PCDHA2: variants seen among roughly 807,000 people sequenced by gnomAD.
The protein encoded by PCDHA2 is protocadherin alpha-2.
In PCDHA2, 58 loss-of-function variants were observed where a neutral mutation model predicts 66.0. The ratio of observed to expected loss-of-function variants is 0.88; its 90% CI spans 0.71 to 1.09. The LOEUF (loss-of-function observed/expected upper bound fraction) is 1.09. PCDHA2 is among the 50% of genes least tolerant of loss of function. The pLI, the probability that PCDHA2 is intolerant of heterozygous loss-of-function variation, is 0.00. For missense variants in PCDHA2, 1,267 were observed against 1,242.3 expected, an observed-to-expected ratio of 1.02 and a Z score of -0.30; for synonymous variants, 634 against 554.0, an observed-to-expected ratio of 1.14 and a Z score of -2.03.
At chr5:140,799,194 G>T (rs1762400547) in intron 1 of PCDHA2, among the ~76,000 whole-genome samples, 1 of 151,978 alleles carries the variant, frequency 6.6e-6, no homozygotes, top group African/African-American at 2.4e-5. Flanking sequence ...CTACAAAATG[G>T]CTCAATCTTC....
At position 140,830,681 on chromosome 5, in the gene PCDHA2, G is replaced by C. The variant is rs112940654; in HGVS notation, c.2388+33329G>C. On this transcript the variant is annotated intron_variant, in intron 1 of 3. Coordinates refer to ENST00000526136, the MANE Select transcript of PCDHA2 (RefSeq NM_018905.3). ...AATTTAAGTGAAATTAGAAATCACT[G>C]TCCACAATCTGCACCTCAGAATTTT... The C allele has an allele frequency of 8.1e-3, 2,706 of 335,658 alleles. 74 individuals are homozygous for C. Among genetic ancestry groups the C allele is most frequent in the African/African-American group, 0.053 (2,457 of 46,446 alleles). The allele number at this position is 335,658 out of a possible 1,614,324, so 20.8% of individuals were successfully genotyped here.
chr5:140,874,280 C>T (rs1317233709), intron 1 of PCDHA2, among the ~76,000 whole-genome samples: 3 of 152,146 alleles, frequency 2.0e-5, no homozygotes, highest in Admixed American at 6.5e-5. Flanking sequence ...AATAGACTTA[C>T]AAAATCTATG....
Position 140,929,272 on chromosome 5 carries a change from T to G in PCDHA2, c.2389-49677T>G, listed in dbSNP as rs560527071. Reference sequence around the variant, plus strand: ...TGGGGTAGGACTGAATTTGCCAATATCCTGTATTCAGATTCGGAATAGGAA... The same window carrying G: ...TGGGGTAGGACTGAATTTGCCAATAGCCTGTATTCAGATTCGGAATAGGAA... On this transcript the variant is annotated intron_variant, in intron 1 of 3. Transcript: ENST00000526136. The G allele has an allele frequency of 1.3e-4, 206 of 1,607,152 alleles. 1 individual carries two copies. The South Asian group carries it at 2.1e-3, about 17-fold the overall frequency.
intron 1 of PCDHA2, among the ~76,000 whole-genome samples, chr5:140,874,171 G>C (rs2054750145): frequency 6.6e-6 from 1 of 152,080 alleles, no homozygotes; most frequent in Admixed American, 6.5e-5. Flanking sequence ...ACTCTTTCCT[G>C]GTGTTGTAAA....
At chr5:140,956,788 G>T (rs2095310590) in intron 1 of PCDHA2, among the ~76,000 whole-genome samples, 1 of 152,094 alleles carries the variant, frequency 6.6e-6, no homozygotes, top group African/African-American at 2.4e-5. Flanking sequence ...GGCTTTGTTT[G>T]CTTGGTGGGC....
chr5:140,801,681 A>G, intron 1 of PCDHA2: 12 of 1,614,248 alleles, frequency 7.4e-6, no homozygotes, highest in Non-Finnish European at 9.3e-6. Context: ...AGATGCAGAT[A>G]TCGGAACAAA....
intron 1 of PCDHA2, among the ~76,000 whole-genome samples, chr5:140,935,092 C>T (rs1015892831): frequency 2.6e-5 from 4 of 152,100 alleles, no homozygotes; most frequent in Non-Finnish European, 5.9e-5. Context: ...TTCCCAGAAT[C>T]AGCCATTTTT....
chr5:140,862,881 T>C, intron 1 of PCDHA2: 3 of 564,618 alleles, frequency 5.3e-6, no homozygotes, highest in Non-Finnish European at 1.0e-5. Context: ...GTATTAGTGC[T>C]GGAACGACAA....
At chr5:140,830,348 C>G in intron 1 of PCDHA2, 1 of 1,614,076 alleles carries the variant, frequency 6.2e-7, no homozygotes, top group Non-Finnish European at 8.5e-7. Flanking sequence ...GTACTCGCAG[C>G]AGAGGCGGCA....
In PCDHA2 at chr5:140,809,158, C is replaced by A. The variant is rs782790826; in HGVS notation, c.2388+11806C>A. 5 of 1,613,830 alleles carry A rather than the reference C, an allele frequency of 3.1e-6. No individual in the cohort carries two copies. In the African/African-American group the frequency reaches 6.7e-5, roughly 22 times the overall value. ...TACTGGTGAAGGACCACGGCGAGCC[C>A]GCGCTGACGGCCACGGCCACTGTGC... On this transcript the variant is annotated intron_variant, in intron 1 of 3. Transcript: ENST00000526136.
intron 1 of PCDHA2, chr5:140,967,077 G>A (rs1483899506): frequency 1.9e-6 from 3 of 1,613,140 alleles, no homozygotes; most frequent in South Asian, 1.1e-5. Context: ...GTCAACGAGC[G>A]CATTGATCGG....
chr5:140,884,514 C>G, intron 1 of PCDHA2: 21 of 1,614,176 alleles, frequency 1.3e-5, no homozygotes, highest in South Asian at 2.2e-5. Flanking sequence ...GGGAGTTGGT[C>G]GTACTCGCAG....
intron 1 of PCDHA2, chr5:140,812,652 A>G (rs2126640535): frequency 6.6e-6 from 1 of 152,200 alleles, no homozygotes; most frequent in South Asian, 2.1e-4. Context: ...AAGAGACAAG[A>G]TCTCACTATG....
chr5:140,870,632 A>G, intron 1 of PCDHA2: 1 of 1,612,930 alleles, frequency 6.2e-7, no homozygotes, highest in Non-Finnish European at 8.5e-7. Flanking sequence ...GTGTCGGTGC[A>G]CGCGGAGAGC....
intron 1 of PCDHA2, chr5:140,816,776 T>C (rs1333175713): frequency 6.6e-6 from 1 of 152,120 alleles, no homozygotes; most frequent in East Asian, 1.9e-4. Flanking sequence ...TAATTCCTAA[T>C]TAGAGGGATC....
intron 1 of PCDHA2, chr5:140,866,274 A>G (rs1554160163): frequency 6.6e-6 from 1 of 152,156 alleles, no homozygotes; most frequent in African/African-American, 2.4e-5. Flanking sequence ...GTGAATAAAG[A>G]CAGTGTTTGG....
intron 1 of PCDHA2, among the ~76,000 whole-genome samples, chr5:140,931,749 G>A (rs368438680): frequency 2.0e-5 from 3 of 151,878 alleles, no homozygotes; most frequent in East Asian, 3.9e-4. Context: ...ATTCACAAAG[G>A]CATTTGTTAT....
At position 140,796,319 on chromosome 5, in the gene PCDHA2, C is replaced by T. The variant is rs1195907672; in HGVS notation, c.1355C>T (p.Ala452Val). Residue 452 changes from alanine (A) to valine (V), a missense_variant, in exon 1 of 4, where the codon GCG (alanine) becomes GTG (valine). Coordinates refer to ENST00000526136, the MANE Select transcript of PCDHA2 (RefSeq NM_018905.3). ...SIEVADVNDN[A>V]PAFAQPEYTV... ...GAGGTGGCCGACGTGAACGACAACG[C>T]GCCGGCGTTCGCACAGCCTGAGTAC... 4 of 1,613,960 alleles carry T rather than the reference C, an allele frequency of 2.5e-6. No individual in the cohort carries two copies. The highest frequency in any genetic ancestry group is 3.4e-6 in the Non-Finnish European group (4 of 1,180,004).
chr5:140,890,190 A>C (rs1213958471), intron 1 of PCDHA2, among the ~76,000 whole-genome samples: 3 of 152,084 alleles, frequency 2.0e-5, no homozygotes, highest in Middle Eastern at 3.2e-3. Flanking sequence ...TACAAAACAG[A>C]GTTTTTTGTT....
Sources: gnomAD v4.1 joint callset for allele counts (sites outside exome capture counted in the v4.1 genomes callset) on GRCh38, gnomAD v4.1.1 for gene constraint, MANE v1.5 for transcripts, NCBI Gene and HGNC (gene_info 2026-07-23, HGNC 2026-07-21) for gene names.